The following NRBP2 variants were observed in gnomAD, a reference collection of about 807,000 sequenced individuals.
The protein encoded by NRBP2 is nuclear receptor-binding protein 2.
Under a neutral mutation model 74.4 loss-of-function variants are expected in NRBP2, and 47 were observed. The ratio of observed to expected loss-of-function variants is 0.63; its 90% CI spans 0.50 to 0.81. NRBP2 has a LOEUF of 0.81. NRBP2 is among the 30% of genes least tolerant of loss of function. The pLI is 0.00. For synonymous variants in NRBP2, 312 were observed against 273.8 expected (o/e 1.14, Z -1.38); for missense variants, 613 against 690.1 (o/e 0.89, Z 1.25).
chr8:143,830,319 G>A (rs1818099660), downstream of NRBP2, among the ~76,000 whole-genome samples: 1 of 152,262 alleles, frequency 6.6e-6, no homozygotes, highest in African/African-American at 2.4e-5. Flanking sequence ...TGAGGGTCGT[G>A]GGTGAAAGCA....
chr8:143,830,487 C>T (rs782077633), downstream of NRBP2, among the ~76,000 whole-genome samples: 6 of 152,258 alleles, frequency 3.9e-5, no homozygotes, highest in Non-Finnish European at 8.8e-5. Flanking sequence ...CTGGGTCCTA[C>T]CCCTGCCTCC....
intron 14 of NRBP2, 142 bp downstream of exon 14, chr8:143,836,897 G>A: frequency 1.1e-6 from 1 of 934,462 alleles, no homozygotes; most frequent in South Asian, 1.6e-5. Flanking sequence ...CCCCACAAGG[G>A]GGTCAGCCTG....
Position 143,835,658 on chromosome 8 carries a change from CG to C in NRBP2, c.*3del. 1 of 1,575,406 alleles carries C rather than the reference CG, an allele frequency of 6.3e-7. No individual in the cohort carries two copies. Among genetic ancestry groups the C allele is most frequent in the South Asian group, 1.2e-5 (1 of 85,556 alleles). ...GCATGGTCCCCTGGGGCTGGGGCTC[CG>C]GGTCAGGCCTGGGTCCCACGGTACT... is the stretch of plus-strand genomic sequence containing the variant. On this transcript the variant is annotated 3_prime_UTR_variant, in exon 18 of 18. Coordinates refer to ENST00000442628, the MANE Select transcript of NRBP2 (RefSeq NM_178564.4). The surrounding 1 kb of genome is among the most constrained non-coding windows in gnomAD (Gnocchi z 4.9).
In NRBP2 at chr8:143,834,785, G is replaced by C. The variant is rs1554651045; in HGVS notation, c.*877C>G. ...ATAGAAATCTCTAAGACTGAGCCAG[G>C]AGTGGAGTGGGAGAGAGGCAGGGAG... On this transcript the variant is annotated 3_prime_UTR_variant, in exon 18 of 18. Coordinates refer to ENST00000442628, the MANE Select transcript of NRBP2 (RefSeq NM_178564.4). The C allele has an allele frequency of 2.0e-5, 3 of 152,464 alleles. No individual in the cohort carries two copies. Among genetic ancestry groups the C allele is most frequent in the African/African-American group, 7.2e-5 (3 of 41,434 alleles). The allele number at this position is 152,464 out of a possible 1,614,324, so 9.4% of individuals were successfully genotyped here. A position where few individuals can be genotyped will look rare whatever the true frequency, so the allele number is the denominator to read the frequency against.
In NRBP2 at chr8:143,835,870, T is replaced by C; in HGVS notation, c.1387A>G (p.Ser463Gly). 1.2e-6 allele frequency: 2 copies of C among 1,603,320 alleles called. No homozygotes were observed. Among genetic ancestry groups the C allele is most frequent in the South Asian group, 1.1e-5 (1 of 90,400 alleles). Residue 463 changes from serine (S) to glycine (G), a missense_variant, in exon 17 of 18, where the codon AGC becomes GGC. Around this residue, in one of 2 missense-constraint regions of NRBP2, gnomAD observed 281 missense variants for 260.9 expected, o/e 1.08. Coordinates refer to ENST00000442628, the MANE Select transcript of NRBP2 (RefSeq NM_178564.4). The surrounding 1 kb of genome is among the most constrained non-coding windows in gnomAD (Gnocchi z 4.9). ...QLTYDLLPTD[S>G]AQDLASELVH... ...AGCTCCGAGGCGAGGTCCTGGGCGC[T>C]GTCCGCTGAGGCAATGGCGTAAGGC...
In NRBP2 at chr8:143,840,792, C is replaced by G; in HGVS notation, c.43G>C (p.Glu15Gln). ...TCGCTCTCGTCCTCCCGCTCCCGCT[C>G]CCGTTCCCGGGCCCGCCTCGGCGCC... ...EPAPRRARER[E>Q]REREDESEDE... The change falls in exon 1 of 18, where the codon GAG (glutamate) becomes CAG (glutamine). Residue 15 changes from glutamate (E) to glutamine (Q), a missense_variant. By Grantham distance (29) the Glu-to-Gln change is conservative. Coordinates refer to ENST00000442628, the MANE Select transcript of NRBP2 (RefSeq NM_178564.4). The surrounding 1 kb of genome is among the most constrained non-coding windows in gnomAD (Gnocchi z 5.7). The G allele has an allele frequency of 1.3e-6, 2 of 1,504,448 alleles. No homozygotes were observed. The allele number at this position is 1,504,448 out of a possible 1,614,324, so 93.2% of individuals were successfully genotyped here.
At chr8:143,838,968 G>T in intron 8 of NRBP2, 30 bp from the exon 9 acceptor site, 1 of 1,581,514 alleles carries the variant, frequency 6.3e-7, no homozygotes. Flanking sequence ...GGACACGTAG[G>T]AGAGAAGCGC....
At position 143,839,552 on chromosome 8, in the gene NRBP2, G is replaced by C. The variant is rs1431480855; in HGVS notation, c.445-3C>G. 1.3e-6 allele frequency: 2 copies of C among 1,530,634 alleles called. No homozygotes were observed. The highest frequency in any genetic ancestry group is 1.7e-6 in the Non-Finnish European group (2 of 1,144,726). 94.8% of individuals were successfully genotyped at this position (1,530,634 alleles called of 1,614,324 possible). ...TGCGTGCACCAGCGCTTCCAGGCCT[G>C]GCGGCGGACGCACGACTCCGTCGGT... On this transcript the variant is annotated splice_region_variant and splice_polypyrimidine_tract_variant and intron_variant, in intron 4 of 17. Coordinates refer to ENST00000442628, the MANE Select transcript of NRBP2 (RefSeq NM_178564.4). This position sits in a 1 kb window ranked among gnomAD's most constrained non-coding sequence, Gnocchi z 5.1.
downstream of NRBP2, among the ~76,000 whole-genome samples, chr8:143,832,329 G>C (rs1048100114): frequency 6.6e-6 from 1 of 151,964 alleles, no homozygotes; most frequent in African/African-American, 2.4e-5. Context: ...TATTGTCCAA[G>C]GTTTCTCCCC....
At chr8:143,830,994 G>A (rs1554650119), downstream of NRBP2, among the ~76,000 whole-genome samples, 1 of 152,186 alleles carries the variant, frequency 6.6e-6, no homozygotes, top group Admixed American at 6.5e-5. Flanking sequence ...AACACAGGTG[G>A]GTGCTCTTAG....
rs547358287 is a variant in NRBP2 at position 143,839,867 on chromosome 8, G to A, written c.355-42C>T. ...CAGGATTTCCACCAGCTGCGGGTTCGTCCCCATGCCCGCCCCACCTAGCTG... is the reference window on the plus strand; with the variant it reads ...CAGGATTTCCACCAGCTGCGGGTTCATCCCCATGCCCGCCCCACCTAGCTG... On this transcript the variant is annotated intron_variant, in intron 3 of 17. Coordinates refer to ENST00000442628, the MANE Select transcript of NRBP2 (RefSeq NM_178564.4). The surrounding 1 kb of genome is among the most constrained non-coding windows in gnomAD (Gnocchi z 5.1). 742 of 1,535,122 alleles carry A rather than the reference G, an allele frequency of 4.8e-4. 1 individual carries two copies. Among genetic ancestry groups the A allele is most frequent in the Non-Finnish European group, 6.3e-4 (717 of 1,145,994 alleles).
chr8:143,833,792 C>T lies in NRBP2; in HGVS notation c.*1870G>A, dbSNP rs1554650751. 6.6e-6 allele frequency: 1 copy of T among 152,132 alleles called. No individual in the cohort carries two copies. The highest frequency in any genetic ancestry group is 2.4e-5 in the African/African-American group (1 of 41,406). 9.4% of individuals were successfully genotyped at this position (152,132 alleles called of 1,614,324 possible). A position where few individuals can be genotyped will look rare whatever the true frequency, so the allele number is the denominator to read the frequency against. ...CAGTAGTACAATGTTATGTATTTGCCACTGAAACCATTTAGAACCATGCAT... is the reference window on the plus strand; with the variant it reads ...CAGTAGTACAATGTTATGTATTTGCTACTGAAACCATTTAGAACCATGCAT... On this transcript the variant is annotated 3_prime_UTR_variant, in exon 18 of 18. Transcript: ENST00000442628.
rs371613897 is a variant in NRBP2 at position 143,835,800 on chromosome 8, C to T, written c.1437+20G>A. ...CCCGTGCGCCCCCTCCGCCAGGCCG[C>T]GCCGCACCGCCCAGCGCACCTCGTG... is the stretch of plus-strand genomic sequence containing the variant. On this transcript the variant is annotated intron_variant, in intron 17 of 17. Transcript: ENST00000442628. This position sits in a 1 kb window ranked among gnomAD's most constrained non-coding sequence, Gnocchi z 4.9. The T allele has an allele frequency of 4.1e-5, 66 of 1,600,752 alleles. No individual in the cohort carries two copies. Among genetic ancestry groups the T allele is most frequent in the South Asian group, 1.1e-4 (10 of 90,056 alleles).
intron 10 of NRBP2, chr8:143,838,043 C>T (rs1331249494): frequency 9.1e-6 from 6 of 661,268 alleles, no homozygotes; most frequent in Non-Finnish European, 1.7e-5. Flanking sequence ...TGCAAGCCTC[C>T]TACCCATGGC....
downstream of NRBP2, among the ~76,000 whole-genome samples, chr8:143,830,182 C>T (rs1288175614): frequency 6.6e-6 from 1 of 152,218 alleles, no homozygotes; most frequent in East Asian, 1.9e-4. Context: ...TGAAACCTTC[C>T]AAAATTATAG....
Position 143,837,608 on chromosome 8 carries a change from C to A in NRBP2, c.973+15G>T. The A allele has an allele frequency of 6.3e-7, 1 of 1,598,844 alleles. No individual in the cohort carries two copies. Among genetic ancestry groups the A allele is most frequent in the Non-Finnish European group, 8.5e-7 (1 of 1,173,282 alleles). ...CCACCTCCCCAGCCACCCCCCGGGC[C>A]GGCCTGCTGCTCACACTGGTGCTGG... On this transcript the variant is annotated intron_variant, in intron 11 of 17. Coordinates refer to ENST00000442628, the MANE Select transcript of NRBP2 (RefSeq NM_178564.4). This position sits in a 1 kb window ranked among gnomAD's most constrained non-coding sequence, Gnocchi z 4.3.
Position 143,840,961 on chromosome 8 carries a change from C to G in NRBP2, c.-127G>C, listed in dbSNP as rs1204950733. 10 of 1,128,132 alleles carry G rather than the reference C, an allele frequency of 8.9e-6. No homozygotes were observed. Among genetic ancestry groups the G allele is most frequent in the Non-Finnish European group, 1.1e-5 (10 of 922,206 alleles). The allele number at this position is 1,128,132 out of a possible 1,614,324, so 69.9% of individuals were successfully genotyped here. On this transcript the variant is annotated 5_prime_UTR_variant, in exon 1 of 18. Transcript: ENST00000442628. The surrounding 1 kb of genome is among the most constrained non-coding windows in gnomAD (Gnocchi z 5.7). ...CCGCGGCAGCCTAGAGCCCCAGCCC[C>G]GGCTCTGGGAATTGGGAGGCGCGGG...
At position 143,833,748 on chromosome 8, in the gene NRBP2, C is replaced by CT. The variant is rs1554650738; in HGVS notation, c.*1913dup. On this transcript the variant is annotated 3_prime_UTR_variant, in exon 18 of 18. Transcript: ENST00000442628. ...AAGTGCAGCAATGGTGGTATTGATG[C>CT]TTTTAAGTTCAGTTTAATCAGTAGT... The CT allele has an allele frequency of 6.6e-6, 1 of 152,076 alleles. No homozygotes were observed. Among genetic ancestry groups the CT allele is most frequent in the African/African-American group, 2.4e-5 (1 of 41,410 alleles). The allele number at this position is 152,076 out of a possible 1,614,324, so 9.4% of individuals were successfully genotyped here.
chr8:143,839,155 C>A lies in NRBP2; in HGVS notation c.604+17G>T, dbSNP rs557464664. 4.6e-5 allele frequency: 70 copies of A among 1,519,960 alleles called. No homozygotes were observed. Among genetic ancestry groups the A allele is most frequent in the Non-Finnish European group, 5.9e-5 (67 of 1,137,022 alleles). 94.2% of individuals were successfully genotyped at this position (1,519,960 alleles called of 1,614,324 possible). ...GGGACCTCTCCAGGACCCCGTCCCC[C>A]CAAAGTCCGCACTTACCATTGGAGA... On this transcript the variant is annotated intron_variant, in intron 7 of 17. Transcript: ENST00000442628. This position sits in a 1 kb window ranked among gnomAD's most constrained non-coding sequence, Gnocchi z 5.1.
Sources: gnomAD v4.1 joint callset for allele counts (sites outside exome capture counted in the v4.1 genomes callset) on GRCh38, gnomAD v4.1.1 for gene constraint, gnomAD v4.1.1 regional missense constraint, Gnocchi (gnomAD v3.1) non-coding constraint, MANE v1.5 for transcripts, NCBI Gene and HGNC (gene_info 2026-07-23, HGNC 2026-07-21) for gene names.